PASK: variants seen among roughly 807,000 people sequenced by gnomAD.
PASK encodes the protein PAS domain containing serine/threonine kinase.
In PASK, 110 loss-of-function variants were observed where a neutral mutation model predicts 121.0. That is an observed-to-expected ratio of 0.91 (90% CI 0.78 to 1.06). The LOEUF (loss-of-function observed/expected upper bound fraction) is 1.06, where lower values mean the gene tolerates loss of function less well. PASK is among the 50% of genes least tolerant of loss of function. PASK has a pLI of 0.00. For missense variants in PASK, 1,643 were observed against 1,702.3 expected (o/e 0.97, Z 0.61); for synonymous variants, 686 against 717.8 (o/e 0.96, Z 0.71).
Position 241,123,970 on chromosome 2 carries a change from G to A in PASK, c.2883C>T (p.Leu961=), listed in dbSNP as rs750184206. 1 of 1,613,850 alleles carries A rather than the reference G, an allele frequency of 6.2e-7. No individual in the cohort carries two copies. ...PGSTHSTAAE[L]TGPSLVEVLR... ...CCACTTCCACCAGGCTGGGTCCGGTGAGCTCAGCAGCGGTAGAGTGGGTGG... is the reference window on the plus strand; with the variant it reads ...CCACTTCCACCAGGCTGGGTCCGGTAAGCTCAGCAGCGGTAGAGTGGGTGG... The change falls in exon 11 of 18, where the codon CTC becomes CTT. Residue 961 remains leucine (L), a synonymous_variant. Coordinates refer to ENST00000234040, the MANE Select transcript of PASK (RefSeq NM_015148.4).
At chr2:241,123,039 T>A in intron 11 of PASK, 140 bp from the exon 12 acceptor site, 1 of 727,964 alleles carries the variant, frequency 1.4e-6, no homozygotes, top group Non-Finnish European at 2.3e-6. Flanking sequence ...CCTCCCATGC[T>A]CTCAGACAGG....
chr2:241,126,221 G>C lies in PASK; in HGVS notation c.2694C>G (p.Cys898Trp). The stretch of plus-strand genomic sequence containing the variant: ...TCAGCCGTAAGCCATCTCGATGGTA[G>C]CAGCTCCCGGAGTAGGCACCCTCCT... ...EIQEGAYSGSCYHRDGLRLSI... is the reference protein window; with the variant it reads ...EIQEGAYSGSWYHRDGLRLSI... Residue 898 changes from cysteine to tryptophan, a missense_variant, in exon 10 of 18, where the codon TGC becomes TGG. Cys to Trp is a radical substitution (Grantham distance 215, BLOSUM62 -2). Around this residue, in one of 3 missense-constraint regions of PASK, gnomAD observed 1,176 missense variants for 1,162.2 expected, o/e 1.01. Coordinates refer to ENST00000234040, the MANE Select transcript of PASK (RefSeq NM_015148.4). 1.2e-6 allele frequency: 2 copies of C among 1,614,050 alleles called. No individual in the cohort carries two copies. Among genetic ancestry groups the C allele is most frequent in the Non-Finnish European group, 1.7e-6 (2 of 1,180,006 alleles).
At chr2:241,147,806 G>C (rs1027767649) in intron 1 of PASK, among the ~76,000 whole-genome samples, 2 of 152,182 alleles carry the variant, frequency 1.3e-5, no homozygotes, top group African/African-American at 2.4e-5. Flanking sequence ...AGTTGTGGAA[G>C]TTTAATTAGG....
intron 12 of PASK, among the ~76,000 whole-genome samples, chr2:241,117,008 T>A (rs1294739330): frequency 6.6e-6 from 1 of 152,066 alleles, no homozygotes; most frequent in Non-Finnish European, 1.5e-5. Flanking sequence ...GGGAAGGCCC[T>A]CCAGGCAGAG....
At chr2:241,132,546 A>AG (rs1463162778) in intron 9 of PASK, among the ~76,000 whole-genome samples, 1 of 150,536 alleles carries the variant, frequency 6.6e-6, no homozygotes, top group East Asian at 1.9e-4. Flanking sequence ...AAAAAAAAAA[A>AG]AAAAAAAAGA....
chr2:241,136,092 C>A, intron 7 of PASK, 53 bp from the exon 8 acceptor site: 1 of 1,467,692 alleles, frequency 6.8e-7, no homozygotes, highest in South Asian at 1.1e-5. Context: ...CGCTGACCCA[C>A]TGGACCGTCC....
In PASK at chr2:241,108,297, G is replaced by A; in HGVS notation, c.3537C>T (p.Tyr1179=). 1 of 1,614,078 alleles carries A rather than the reference G, an allele frequency of 6.2e-7. No homozygotes were observed. Among genetic ancestry groups the A allele is most frequent in the Non-Finnish European group, 8.5e-7 (1 of 1,179,990 alleles). The change falls in exon 16 of 18, where the codon TAC becomes TAT. Residue 1179 remains tyrosine, a synonymous_variant. Transcript: ENST00000234040. This position sits in a 1 kb window ranked among gnomAD's most constrained non-coding sequence, Gnocchi z 5.2. ...CAPEVLMGNP[Y]RGPELEMWSL... The stretch of plus-strand genomic sequence containing the variant: ...ACCACATCTCCAGCTCCGGCCCTCT[G>A]TAGCTGTGAGGAGGAGGAGGCATCA...
chr2:241,150,104 G>GC (rs1231845482), upstream of PASK: 4 of 1,262,740 alleles, frequency 3.2e-6, no homozygotes, highest in Admixed American at 1.2e-4. Flanking sequence ...GATCCGCCTG[G>GC]CCCGCGGCCC....
rs2066467709 is a variant in PASK, at chr2:241,137,045, G to A, written c.1096C>T (p.Leu366=). 3 of 1,613,596 alleles carry A rather than the reference G, an allele frequency of 1.9e-6. No individual in the cohort carries two copies. Among genetic ancestry groups the A allele is most frequent in the Non-Finnish European group, 2.5e-6 (3 of 1,179,946 alleles). ...GTCTTTCCGTAACCAAACAGTGTCA[G>A]CGCGAAGCTGTGGTTGATGCCGTGG... is the stretch of plus-strand genomic sequence containing the variant. ...TIHGINHSFA[L]TLFGYGKTEL... is the part of the protein sequence containing the mutation. The change falls in exon 7 of 18, where the codon CTG becomes TTG. Residue 366 remains leucine, a synonymous_variant. Transcript: ENST00000234040.
At chr2:241,124,182 G>A (rs903611959) in intron 10 of PASK, 49 bp from the exon 11 acceptor site, 1 of 1,512,372 alleles carries the variant, frequency 6.6e-7, no homozygotes, top group African/African-American at 1.4e-5. Flanking sequence ...GACCTGGCTA[G>A]ACAGCAGCTT....
rs750326386 is a variant in PASK, at chr2:241,124,052, TGGA to T, written c.2798_2800del (p.Leu933del). Reference sequence around the variant, plus strand: ...CCTGGCGGCTGAGTCGCGTTGGCTGTGGAGGAGGTCTTTCACCAGCCAGCAGCA... The same window carrying T: ...CCTGGCGGCTGAGTCGCGTTGGCTGTGGAGGTCTTTCACCAGCCAGCAGCA... On this transcript the variant is annotated inframe_deletion, in exon 11 of 18. Coordinates refer to ENST00000234040, the MANE Select transcript of PASK (RefSeq NM_015148.4). 6.2e-7 allele frequency: 1 copy of T among 1,613,244 alleles called. No individual in the cohort carries two copies. The highest frequency in any genetic ancestry group is 8.5e-7 in the Non-Finnish European group (1 of 1,179,838).
chr2:241,113,507 ATATACT>A (rs1407176179), intron 14 of PASK: 1 of 157,920 alleles, frequency 6.3e-6, no homozygotes, highest in African/African-American at 2.4e-5. Flanking sequence ...TACACATAAC[ATATACT>A]TGTACATAGG....
chr2:241,127,690 A>C, intron 9 of PASK: 3 of 542,960 alleles, frequency 5.5e-6, no homozygotes, highest in East Asian at 3.5e-5. Context: ...CCCAACAGTA[A>C]AGTACAGGAG....
At chr2:241,128,819 C>T (rs566868612) in intron 9 of PASK, among the ~76,000 whole-genome samples, 4 of 151,930 alleles carry the variant, frequency 2.6e-5, no homozygotes, top group African/African-American at 7.2e-5. Flanking sequence ...GAGCTGTGAT[C>T]GCACCACTGC....
intron 3 of PASK, 44 bp from the exon 4 acceptor site, chr2:241,140,099 A>T (rs1226432238): frequency 6.6e-7 from 1 of 1,506,908 alleles, no homozygotes; most frequent in Admixed American, 1.7e-5. Flanking sequence ...CATCCCCAGC[A>T]GCTCCACCAG....
rs568294155 is a variant in PASK, at chr2:241,114,713, C to T, written c.3333+330G>A. 1,651 of 1,330,840 alleles carry T rather than the reference C, an allele frequency of 1.2e-3. 4 individuals carry two copies. Among genetic ancestry groups the T allele is most frequent in the Non-Finnish European group, 1.4e-3 (1,490 of 1,043,330 alleles). 82.4% of individuals were successfully genotyped at this position (1,330,840 alleles called of 1,614,324 possible). ...CTGTGCCGCACACATGCCTTTGAGACGCTCTCTGGCTGCATCCTAACCCTT... is the reference window on the plus strand; with the variant it reads ...CTGTGCCGCACACATGCCTTTGAGATGCTCTCTGGCTGCATCCTAACCCTT... On this transcript the variant is annotated intron_variant, in intron 14 of 17. Transcript: ENST00000234040.
intron 17 of PASK, 25 bp downstream of exon 17, chr2:241,107,328 G>A (rs1227294236): frequency 6.2e-7 from 1 of 1,606,988 alleles, no homozygotes; most frequent in Admixed American, 1.7e-5. Context: ...GTCATGTGGG[G>A]TGGAGGGATG....
At chr2:241,106,786 T>G in intron 17 of PASK, 63 bp from the exon 18 acceptor site, 1 of 1,536,448 alleles carries the variant, frequency 6.5e-7, no homozygotes. Flanking sequence ...AATACTTTGC[T>G]TCTCACTTGA....
At position 241,112,399 on chromosome 2, in the gene PASK, A is replaced by G. The variant is rs758544347; in HGVS notation, c.3374T>C (p.Ile1125Thr). Reference sequence around the variant, plus strand: ...GTTCTCATCCTTGATGTCACGGTGGATGATGTCCTTCAAGCGCAGGTATCC... The same window carrying G: ...GTTCTCATCCTTGATGTCACGGTGGGTGATGTCCTTCAAGCGCAGGTATCC... Reference protein sequence around the residue: ...AVGYLRLKDIIHRDIKDENIV... With the variant: ...AVGYLRLKDITHRDIKDENIV... Residue 1125 changes from isoleucine (I) to threonine (T), a missense_variant, in exon 15 of 18, where the codon ATC (isoleucine) becomes ACC (threonine). By Grantham distance (89) the Ile-to-Thr change is moderately conservative (BLOSUM62 -1). Around this residue, in one of 3 missense-constraint regions of PASK, gnomAD observed 453 missense variants for 511.2 expected, o/e 0.89. Transcript: ENST00000234040. The surrounding 1 kb of genome is among the most constrained non-coding windows in gnomAD (Gnocchi z 5.2). The G allele has an allele frequency of 6.2e-7, 1 of 1,613,876 alleles. No individual in the cohort carries two copies. The highest frequency in any genetic ancestry group is 1.7e-5 in the Admixed American group (1 of 60,014).
Sources: gnomAD v4.1 joint callset for allele counts (sites outside exome capture counted in the v4.1 genomes callset) on GRCh38, gnomAD v4.1.1 for gene constraint, gnomAD v4.1.1 regional missense constraint, Gnocchi (gnomAD v3.1) non-coding constraint, MANE v1.5 for transcripts, NCBI Gene and HGNC (gene_info 2026-07-23, HGNC 2026-07-21) for gene names.